The following SAMTOR variants were observed in gnomAD, a reference collection of about 807,000 sequenced individuals.
SAMTOR encodes the protein UPF0532 protein C7orf60.
chr7:112,938,015 A>G, the SAMTOR span, among the ~76,000 whole-genome samples: 16 of 152,238 alleles, frequency 1.1e-4, no homozygotes, highest in Non-Finnish European at 1.6e-4. Flanking sequence ...ATGGAATTCT[A>G]TGCTAGTCAT....
At chr7:112,827,615 T>C in the SAMTOR span, among the ~76,000 whole-genome samples, 1 of 152,228 alleles carries the variant, frequency 6.6e-6, no homozygotes, top group Non-Finnish European at 1.5e-5. Flanking sequence ...ATACACCCTA[T>C]GCATATCCTC....
At chr7:112,903,870 T>G in the SAMTOR span, among the ~76,000 whole-genome samples, 36 of 152,170 alleles carry the variant, frequency 2.4e-4, no homozygotes, top group East Asian at 7.0e-3. Context: ...TTCCAAGTTG[T>G]TTTTAAAAAA....
At chr7:112,935,754 G>C in the SAMTOR span, among the ~76,000 whole-genome samples, 1 of 152,062 alleles carries the variant, frequency 6.6e-6, no homozygotes, top group Non-Finnish European at 1.5e-5. Flanking sequence ...AATGAAAAGT[G>C]TACTTTTACT....
chr7:112,885,064 C>A, the SAMTOR span, among the ~76,000 whole-genome samples: 4 of 152,232 alleles, frequency 2.6e-5, no homozygotes, highest in Non-Finnish European at 5.9e-5. Flanking sequence ...GGGACTTGCA[C>A]CCTCTGAAGC....
the SAMTOR span, among the ~76,000 whole-genome samples, chr7:112,906,654 C>T: frequency 3.9e-4 from 59 of 151,804 alleles, no homozygotes; most frequent in Non-Finnish European, 6.6e-4. Context: ...CTGCAACCTC[C>T]TCCGCCTCCT....
the SAMTOR span, among the ~76,000 whole-genome samples, chr7:112,824,666 CT>C: frequency 1.3e-5 from 2 of 151,134 alleles, no homozygotes; most frequent in Admixed American, 6.6e-5. Flanking sequence ...CAGCCAAGGT[CT>C]TTTTTTTTAT....
chr7:112,858,669 G>A, the SAMTOR span, among the ~76,000 whole-genome samples: 3 of 152,154 alleles, frequency 2.0e-5, no homozygotes, highest in Admixed American at 1.3e-4. Flanking sequence ...TTGTGAAAGT[G>A]TATATACTTA....
At chr7:112,876,245 C>T in the SAMTOR span, among the ~76,000 whole-genome samples, 1 of 152,260 alleles carries the variant, frequency 6.6e-6, no homozygotes, top group South Asian at 2.1e-4. Flanking sequence ...CAGGCATGCA[C>T]CACTGCACCT....
chr7:112,921,560 C>A, the SAMTOR span, among the ~76,000 whole-genome samples: 36 of 147,636 alleles, frequency 2.4e-4, no homozygotes, highest in African/African-American at 8.8e-4. Flanking sequence ...GTCTAAAACA[C>A]CAAAAGCAAT....
chr7:112,910,684 T>C, the SAMTOR span, among the ~76,000 whole-genome samples: 1 of 152,148 alleles, frequency 6.6e-6, no homozygotes, highest in Non-Finnish European at 1.5e-5. Flanking sequence ...CACAAAATGA[T>C]GTATGAAGCT....
At chr7:112,847,867 G>A in the SAMTOR span, among the ~76,000 whole-genome samples, 1,688 of 152,284 alleles carry the variant, frequency 0.011, 33 homozygotes, top group African/African-American at 0.036. Flanking sequence ...GCCAGGTGCT[G>A]TGGCTCATGC....
chr7:112,841,427 A>G, the SAMTOR span, among the ~76,000 whole-genome samples: 1 of 152,142 alleles, frequency 6.6e-6, no homozygotes, highest in East Asian at 1.9e-4. Flanking sequence ...CAAGGAAATA[A>G]GAGGACACAA....
chr7:112,932,788 T>C, the SAMTOR span, among the ~76,000 whole-genome samples: 5 of 152,182 alleles, frequency 3.3e-5, no homozygotes, highest in African/African-American at 1.2e-4. Flanking sequence ...GGGATGGGGT[T>C]TGTGATGATT....
At chr7:112,939,744 G>GTA in the SAMTOR span, 2 of 1,597,576 alleles carry the variant, frequency 1.3e-6, no homozygotes. Context: ...CCGGCCCCTG[G>GTA]CTCCATATCG....
the SAMTOR span, among the ~76,000 whole-genome samples, chr7:112,873,120 T>C: frequency 6.6e-6 from 1 of 151,956 alleles, no homozygotes; most frequent in Non-Finnish European, 1.5e-5. Flanking sequence ...TGAATCAGTA[T>C]TGTTAAAATG....
chr7:112,903,605 A>C, the SAMTOR span, among the ~76,000 whole-genome samples: 1 of 152,192 alleles, frequency 6.6e-6, no homozygotes, highest in Non-Finnish European at 1.5e-5. Flanking sequence ...TACACACTGA[A>C]GTATTCAGGA....
chr7:112,918,555 C>T, the SAMTOR span, among the ~76,000 whole-genome samples: 4 of 152,124 alleles, frequency 2.6e-5, no homozygotes, highest in Non-Finnish European at 5.9e-5. Flanking sequence ...AGCAAAATAA[C>T]CAGCTAACAT....
the SAMTOR span, among the ~76,000 whole-genome samples, chr7:112,874,992 G>C: frequency 6.6e-6 from 1 of 152,070 alleles, no homozygotes; most frequent in African/African-American, 2.4e-5. Flanking sequence ...AGTGCTAAGC[G>C]CTTAGACTAA....
At chr7:112,869,791 G>A in the SAMTOR span, among the ~76,000 whole-genome samples, 1 of 152,064 alleles carries the variant, frequency 6.6e-6, no homozygotes, top group East Asian at 1.9e-4. Flanking sequence ...CAAGATTCAA[G>A]AGAAAGTTGA....
Sources: allele counts gnomAD v4.1 joint callset (sites outside exome capture counted in the v4.1 genomes callset), GRCh38; gene constraint gnomAD v4.1.1; transcripts MANE v1.5; gene names NCBI Gene and HGNC (gene_info 2026-07-23, HGNC 2026-07-21).